CEP97: variants seen among roughly 807,000 people sequenced by gnomAD.
The protein encoded by CEP97 is centrosomal protein 97.
Under a neutral mutation model 73.1 loss-of-function variants are expected in CEP97, and 43 were observed. That is an observed-to-expected ratio of 0.59 (90% confidence interval 0.46 to 0.76). CEP97 has a LOEUF of 0.76. Ranked by LOEUF, CEP97 falls within the 30% of genes least tolerant of loss-of-function variation. CEP97 has a pLI of 0.00. For synonymous variants in CEP97, 337 were observed against 370.0 expected (o/e 0.91, Z 1.02); for missense variants, 939 against 1,014.0 (o/e 0.93, Z 1.00).
At chr3:101,755,396 G>A in intron 6 of CEP97, 34 bp from the exon 7 acceptor site, 2 of 1,599,390 alleles carry the variant, frequency 1.3e-6, no homozygotes, top group Non-Finnish European at 1.7e-6. Flanking sequence ...CTATTCTCAT[G>A]CCATCTCCTC....
chr3:101,746,275 C>G (rs1393322748), intron 6 of CEP97, among the ~76,000 whole-genome samples: 1 of 152,178 alleles, frequency 6.6e-6, no homozygotes, highest in Non-Finnish European at 1.5e-5. Flanking sequence ...TGACTTTAAA[C>G]TATACTACAA....
chr3:101,743,487 C>G (rs1175194091), intron 6 of CEP97, among the ~76,000 whole-genome samples: 1 of 152,006 alleles, frequency 6.6e-6, no homozygotes, highest in Non-Finnish European at 1.5e-5. Context: ...CCTCCGCCTC[C>G]TACGCTGAAG....
Position 101,745,785 on chromosome 3 carries a change from AG to A in CEP97, c.729-9642del, listed in dbSNP as rs1485283622. On this transcript the variant is annotated intron_variant, in intron 6 of 10. Coordinates refer to ENST00000341893, the MANE Select transcript of CEP97 (RefSeq NM_024548.4). The stretch of plus-strand genomic sequence containing the variant: ...AATTTATTATTATACTTTAAGTTTT[AG>A]GGTACATGTGCACAATGTGCAGGTT... Among the ~76,000 whole-genome samples, 9 of 151,894 alleles carry A rather than the reference AG, an allele frequency of 5.9e-5. No individual in the cohort carries two copies. In the East Asian group the frequency reaches 1.7e-3, roughly 29 times the overall value.
chr3:101,755,323 T>C, intron 6 of CEP97, 107 bp from the exon 7 acceptor site: 1 of 921,560 alleles, frequency 1.1e-6, no homozygotes, highest in Non-Finnish European at 1.7e-6. Context: ...ATGAAAAACA[T>C]ACAATGGTGC....
Position 101,758,054 on chromosome 3 carries a change from C to T in CEP97, c.1448C>T (p.Pro483Leu), listed in dbSNP as rs752426375. The change falls in exon 9 of 11, where the codon CCT becomes CTT. Residue 483 changes from proline (P) to leucine (L), a missense_variant. Physicochemically the swap from Pro to Leu is moderately conservative, Grantham distance 98 (BLOSUM62 -3). Transcript: ENST00000341893. ...TEVNEKAGLL[P>L]CPEPTIISAI... is the part of the protein sequence containing the mutation. ...GTAAATGAGAAAGCTGGACTATTAC[C>T]TTGTCCTGAGCCAACAATAATCAGT... The T allele has an allele frequency of 8.1e-6, 13 of 1,614,108 alleles. No homozygotes were observed. The highest frequency in any genetic ancestry group is 1.0e-5 in the Non-Finnish European group (12 of 1,180,048).
At chr3:101,751,554 C>G (rs1315125770) in intron 6 of CEP97, among the ~76,000 whole-genome samples, 1 of 152,126 alleles carries the variant, frequency 6.6e-6, no homozygotes, top group Non-Finnish European at 1.5e-5. Flanking sequence ...GTCTAAGTCT[C>G]TTTGTAGGTC....
intron 1 of CEP97, among the ~76,000 whole-genome samples, chr3:101,725,724 T>C (rs891773313): frequency 8.5e-5 from 13 of 152,168 alleles, no homozygotes; most frequent in South Asian, 4.1e-4. Flanking sequence ...AAATTTGAAA[T>C]TGGCCGTTTC....
intron 6 of CEP97, among the ~76,000 whole-genome samples, chr3:101,741,001 T>A (rs772518660): frequency 6.6e-6 from 1 of 152,200 alleles, no homozygotes; most frequent in Non-Finnish European, 1.5e-5. Flanking sequence ...GCTGGAAGTA[T>A]CACGCTACCT....
intron 2 of CEP97, 149 bp from the exon 3 acceptor site, chr3:101,727,234 T>C (rs1416610244): frequency 1.8e-5 from 11 of 616,800 alleles, no homozygotes; most frequent in Non-Finnish European, 2.7e-5. Context: ...ATAGTCATAC[T>C]GTAGAATATT....
Position 101,755,462 on chromosome 3 carries a change from A to T in CEP97, c.761A>T (p.Lys254Met). Reference sequence around the variant, plus strand: ...GCTGAATGGCTCTATAGTCAAGGCAAGGGGAGAGCATATCGGCCTGGCCAG... The same window carrying T: ...GCTGAATGGCTCTATAGTCAAGGCATGGGGAGAGCATATCGGCCTGGCCAG... ...LKAEWLYSQG[K>M]GRAYRPGQHI... Residue 254 changes from lysine (K) to methionine (M), a missense_variant, in exon 7 of 11, where the codon AAG (lysine) becomes ATG (methionine). Transcript: ENST00000341893. 1 of 1,614,136 alleles carries T rather than the reference A, an allele frequency of 6.2e-7. No individual in the cohort carries two copies. Among genetic ancestry groups the T allele is most frequent in the Non-Finnish European group, 8.5e-7 (1 of 1,180,012 alleles).
intron 10 of CEP97, chr3:101,763,124 A>G: frequency 1.7e-6 from 2 of 1,199,298 alleles, no homozygotes; most frequent in Non-Finnish European, 2.2e-6. Flanking sequence ...GGGTCTTGCC[A>G]TATTGCCCAG....
intron 6 of CEP97, among the ~76,000 whole-genome samples, chr3:101,746,978 G>C (rs1339074456): frequency 1.3e-5 from 2 of 149,692 alleles, no homozygotes; most frequent in African/African-American, 4.9e-5. Flanking sequence ...ACCACAATGA[G>C]ATACCATCTC....
chr3:101,728,570 A>G (rs540672885), intron 3 of CEP97, among the ~76,000 whole-genome samples: 13 of 151,860 alleles, frequency 8.6e-5, no homozygotes, highest in Non-Finnish European at 1.6e-4. Flanking sequence ...GGCCATTACT[A>G]TGTTTTTTTT....
intron 4 of CEP97, among the ~76,000 whole-genome samples, chr3:101,730,816 A>G (rs1370403245): frequency 6.6e-6 from 1 of 152,206 alleles, no homozygotes; most frequent in Non-Finnish European, 1.5e-5. Context: ...ATTAAGCCCT[A>G]GAAGCAGTAT....
At position 101,765,574 on chromosome 3, in the gene CEP97, T is replaced by C. The variant is rs181347869; in HGVS notation, c.*23T>C. ...TAGCATGTCTTTTGGGAGGCAGATATCCACTTAACTTTTCTTAAAAATACT... is the reference window on the plus strand; with the variant it reads ...TAGCATGTCTTTTGGGAGGCAGATACCCACTTAACTTTTCTTAAAAATACT... On this transcript the variant is annotated 3_prime_UTR_variant, in exon 11 of 11. Transcript: ENST00000341893. The C allele has an allele frequency of 1.0e-5, 16 of 1,547,998 alleles. No individual in the cohort carries two copies. The African/African-American group carries it at 1.1e-4, about 11-fold the overall frequency.
At chr3:101,745,212 T>G (rs1421116487) in intron 6 of CEP97, among the ~76,000 whole-genome samples, 1 of 152,206 alleles carries the variant, frequency 6.6e-6, no homozygotes, top group African/African-American at 2.4e-5. Context: ...TGGAGAAAGT[T>G]AATATTCCTT....
chr3:101,728,941 A>C lies in CEP97; in HGVS notation c.447+4A>C. The C allele has an allele frequency of 7.0e-7, 1 of 1,431,034 alleles. No individual in the cohort carries two copies. Among genetic ancestry groups the C allele is most frequent in the Non-Finnish European group, 9.8e-7 (1 of 1,018,292 alleles). 88.6% of individuals were successfully genotyped at this position (1,431,034 alleles called of 1,614,324 possible). On this transcript the variant is annotated splice_donor_region_variant and intron_variant, in intron 4 of 10. Transcript: ENST00000341893. ...ATCTAAATTGGTATCCCTGAAAGTA[A>C]GTATGTTTTCTTTGTCATTTGTGAA...
At position 101,765,452 on chromosome 3, in the gene CEP97, C is replaced by A. The variant is rs1421039600; in HGVS notation, c.2499C>A (p.Ser833Arg). 6.2e-7 allele frequency: 1 copy of A among 1,614,070 alleles called. No homozygotes were observed. The highest frequency in any genetic ancestry group is 2.2e-5 in the East Asian group (1 of 44,870). ...CTCCTCCTTTGCAAGGTGAAATTAG[C>A]CAGACACAAGAGAATTCTAAATTAA... ...GISPPLQGEI[S>R]QTQENSKLNA... Residue 833 changes from serine (S) to arginine (R), a missense_variant, in exon 11 of 11, where the codon AGC (serine) becomes AGA (arginine). Physicochemically the swap from Ser to Arg is moderately radical, Grantham distance 110 (BLOSUM62 -1). Coordinates refer to ENST00000341893, the MANE Select transcript of CEP97 (RefSeq NM_024548.4).
At position 101,731,935 on chromosome 3, in the gene CEP97, AATCCGAGACTTAAATGAGGT is replaced by A. The variant is rs1938125725; in HGVS notation, c.545_561+3del. On this transcript the variant is annotated splice_donor_variant and coding_sequence_variant, in exon 5 of 11. Coordinates refer to ENST00000341893, the MANE Select transcript of CEP97 (RefSeq NM_024548.4). LOFTEE classifies it high-confidence loss of function. Reference sequence around the variant, plus strand: ...CTATACTTTCTTTGGCAGAAAATGAAATCCGAGACTTAAATGAGGTAAAATTTGAGGGTATTTTGTGAGAT... The same window carrying A: ...CTATACTTTCTTTGGCAGAAAATGAAAAAATTTGAGGGTATTTTGTGAGAT... 6.3e-7 allele frequency: 1 copy of A among 1,597,450 alleles called. No homozygotes were observed. Among genetic ancestry groups the A allele is most frequent in the Non-Finnish European group, 8.6e-7 (1 of 1,165,130 alleles).
Sources: gnomAD v4.1 joint callset for allele counts (sites outside exome capture counted in the v4.1 genomes callset) on GRCh38, gnomAD v4.1.1 for gene constraint, MANE v1.5 for transcripts, NCBI Gene and HGNC (gene_info 2026-07-23, HGNC 2026-07-21) for gene names.